Variants in FGD6 observed in about 807,000 individuals in gnomAD.
FGD6 encodes FYVE, RhoGEF and PH domain containing 6, also known as FYVE, RhoGEF and PH domain-containing protein 6.
A neutral mutation model predicts 149.4 loss-of-function variants in FGD6; 90 were observed. The ratio of observed to expected loss-of-function variants is 0.60; its 90% CI spans 0.51 to 0.72. The LOEUF (loss-of-function observed/expected upper bound fraction) is 0.72. FGD6 is among the 30% of genes least tolerant of loss of function. FGD6 has a pLI of 0.00. For synonymous variants in FGD6, 527 were observed against 584.0 expected, an observed-to-expected ratio of 0.90 and a Z score of 1.41; for missense variants, 1,437 against 1,684.8, an observed-to-expected ratio of 0.85 and a Z score of 2.57.
At chr12:95,100,491 C>G (rs1878389269) in intron 14 of FGD6, 1 of 328,512 alleles carries the variant, frequency 3.0e-6, no homozygotes, top group African/African-American at 2.2e-5. Flanking sequence ...CGTGGCTACA[C>G]TGTCTCGCCC....
chr12:95,134,702 C>A, intron 8 of FGD6, 37 bp downstream of exon 8: 3 of 1,596,320 alleles, frequency 1.9e-6, no homozygotes, highest in Non-Finnish European at 1.7e-6. Context: ...GATGGATAAA[C>A]CAACTGGGTG....
At position 95,217,376 on chromosome 12, in the gene FGD6, GC is replaced by G. The variant is rs1451993355; in HGVS notation, c.-137del. 4 of 1,308,780 alleles carry G rather than the reference GC, an allele frequency of 3.1e-6. No individual in the cohort carries two copies. The African/African-American group carries it at 6.3e-5, about 20-fold the overall frequency. 81.1% of individuals were successfully genotyped at this position (1,308,780 alleles called of 1,614,324 possible). A position where few individuals can be genotyped will look rare whatever the true frequency, so the allele number is the denominator to read the frequency against. ...TTCCGTCCCGCCGCCCCGCGGCGCA[GC>G]CTGAGCGCCACACAAAGGACGCGGC... On this transcript the variant is annotated 5_prime_UTR_variant, in exon 1 of 21. Transcript: ENST00000343958.
chr12:95,081,441 A>G lies in FGD6; in HGVS notation c.*79T>C. The G allele has an allele frequency of 3.1e-6, 4 of 1,272,206 alleles. No individual in the cohort carries two copies. 78.8% of individuals were successfully genotyped at this position (1,272,206 alleles called of 1,614,324 possible). On this transcript the variant is annotated 3_prime_UTR_variant, in exon 21 of 21. Transcript: ENST00000343958. ...TTATCTTGGCAGTGTTCATTTTTAT[A>G]CAATTTTTGAATTGCATTTACTCCA...
chr12:95,102,781 G>A (rs1459632003), intron 14 of FGD6, among the ~76,000 whole-genome samples: 3 of 152,094 alleles, frequency 2.0e-5, no homozygotes, highest in African/African-American at 7.2e-5. Context: ...ATGGACGTAA[G>A]CAAAATTATA....
At chr12:95,151,727 AT>A (rs1880314248) in intron 5 of FGD6, among the ~76,000 whole-genome samples, 1 of 152,218 alleles carries the variant, frequency 6.6e-6, no homozygotes, top group Non-Finnish European at 1.5e-5. Context: ...ATGGATGTAT[AT>A]TTGGTGAACC....
chr12:95,193,632 G>A (rs1375509482), intron 2 of FGD6, among the ~76,000 whole-genome samples: 2 of 151,096 alleles, frequency 1.3e-5, no homozygotes, highest in African/African-American at 2.4e-5. Flanking sequence ...GGGTTCAAGC[G>A]ATTCTCTTGC....
chr12:95,191,348 G>A (rs1387989448), intron 2 of FGD6, among the ~76,000 whole-genome samples: 1 of 152,176 alleles, frequency 6.6e-6, no homozygotes, highest in Non-Finnish European at 1.5e-5. Context: ...AGGGAGCTTT[G>A]TTTTAGCAAA....
intron 8 of FGD6, among the ~76,000 whole-genome samples, chr12:95,115,929 A>G (rs148712898): frequency 6.6e-6 from 1 of 152,330 alleles, no homozygotes; most frequent in African/African-American, 2.4e-5. Flanking sequence ...GTGAGATGTT[A>G]TGTATAAACA....
At chr12:95,214,861 CTTT>C (rs1171146305) in intron 1 of FGD6, among the ~76,000 whole-genome samples, 3 of 129,212 alleles carry the variant, frequency 2.3e-5, no homozygotes, top group Admixed American at 7.9e-5. Flanking sequence ...CTCCTTTTTT[CTTT>C]TTTTTTTTTT....
chr12:95,092,555 T>G, intron 16 of FGD6, 144 bp downstream of exon 16: 2 of 861,380 alleles, frequency 2.3e-6, no homozygotes, highest in Non-Finnish European at 3.3e-6. Context: ...ACACCATTCA[T>G]GTTTGCTACC....
intron 2 of FGD6, among the ~76,000 whole-genome samples, chr12:95,188,090 A>T (rs1346670102): frequency 6.6e-6 from 1 of 152,228 alleles, no homozygotes; most frequent in Non-Finnish European, 1.5e-5. Flanking sequence ...ACTGATAAGC[A>T]TACCTCACGT....
intron 2 of FGD6, among the ~76,000 whole-genome samples, chr12:95,179,954 T>G (rs1881232549): frequency 6.6e-6 from 1 of 152,116 alleles, no homozygotes; most frequent in South Asian, 2.1e-4. Context: ...GGCACATACC[T>G]GTAATCCCAG....
chr12:95,200,327 T>C (rs748497717), intron 2 of FGD6, among the ~76,000 whole-genome samples: 17 of 152,194 alleles, frequency 1.1e-4, no homozygotes, highest in Non-Finnish European at 2.5e-4. Flanking sequence ...TATGGAAACA[T>C]CAGGGGGAAA....
Position 95,141,393 on chromosome 12 carries a change from C to G in FGD6, c.2832G>C (p.Leu944Phe). 6.2e-7 allele frequency: 1 copy of G among 1,613,728 alleles called. No individual in the cohort carries two copies. Among genetic ancestry groups the G allele is most frequent in the Non-Finnish European group, 8.5e-7 (1 of 1,179,776 alleles). ...TGAAAACGGTCCATTTTTACCAGTG[C>G]AACATTCTTTCCTCCAGTTCCTTCA... ...DLLKELEERM[L>F]HWTEQQRIAD... is the part of the protein sequence containing the mutation. The change falls in exon 6 of 21, where the codon TTG (leucine) becomes TTC (phenylalanine). Residue 944 changes from leucine (L) to phenylalanine (F), a missense_variant. Coordinates refer to ENST00000343958, the MANE Select transcript of FGD6 (RefSeq NM_018351.4).
At chr12:95,092,324 T>G (rs1405077770) in intron 16 of FGD6, among the ~76,000 whole-genome samples, 1 of 152,214 alleles carries the variant, frequency 6.6e-6, no homozygotes, top group Non-Finnish European at 1.5e-5. Context: ...TCACTAGAGA[T>G]AACTTCAACA....
chr12:95,140,518 G>A (rs1010231129), intron 6 of FGD6, among the ~76,000 whole-genome samples: 1 of 152,182 alleles, frequency 6.6e-6, no homozygotes, highest in African/African-American at 2.4e-5. Context: ...GCAGGAGGCT[G>A]AGACAGAAGA....
At position 95,153,912 on chromosome 12, in the gene FGD6, CGTGTGTGTGTGTGTGTGTGTGT is replaced by C. The variant is rs754945627; in HGVS notation, c.2587-941_2587-920del. On this transcript the variant is annotated intron_variant, in intron 3 of 20. Coordinates refer to ENST00000343958, the MANE Select transcript of FGD6 (RefSeq NM_018351.4). ...TATGCTAAGGAGCTGAAATGAAATTCGTGTGTGTGTGTGTGTGTGTGTGTGTGTGTGTGTGAGTGAGAGAGAG... is the reference window on the plus strand; with the variant it reads ...TATGCTAAGGAGCTGAAATGAAATTCGTGTGTGTGTGTGAGTGAGAGAGAG... Among the ~76,000 whole-genome samples the C allele has an allele frequency of 1.6e-4, 22 of 141,414 alleles. No homozygotes were observed. In the East Asian group the frequency reaches 1.7e-3, roughly 11 times the overall value. The allele number at this position is 141,414 out of a possible 152,430, so 92.8% of individuals were successfully genotyped here.
intron 1 of FGD6, among the ~76,000 whole-genome samples, chr12:95,216,176 T>C (rs1290232585): frequency 6.6e-6 from 1 of 152,210 alleles, no homozygotes; most frequent in Non-Finnish European, 1.5e-5. Context: ...ACAATATATC[T>C]AGGCTTTAGA....
At position 95,126,396 on chromosome 12, in the gene FGD6, G is replaced by C; in HGVS notation, c.3082+8343C>G. 3 of 1,402,046 alleles carry C rather than the reference G, an allele frequency of 2.1e-6. No individual in the cohort carries two copies. The South Asian group carries it at 4.1e-5, about 19-fold the overall frequency. The allele number at this position is 1,402,046 out of a possible 1,614,324, so 86.9% of individuals were successfully genotyped here. A position where few individuals can be genotyped will look rare whatever the true frequency, so the allele number is the denominator to read the frequency against. On this transcript the variant is annotated intron_variant, in intron 8 of 20. Coordinates refer to ENST00000343958, the MANE Select transcript of FGD6 (RefSeq NM_018351.4). ...GGCATCTGGCAAGAAAGCATATGAG[G>C]CAACTATAAAAACAATAAAGGTTCT...
Sources: allele counts gnomAD v4.1 joint callset (sites outside exome capture counted in the v4.1 genomes callset), GRCh38; gene constraint gnomAD v4.1.1; transcripts MANE v1.5; gene names NCBI Gene and HGNC (gene_info 2026-07-23, HGNC 2026-07-21).